Variants in SPTBN1 observed in about 807,000 individuals in gnomAD.
The protein encoded by SPTBN1 is spectrin beta chain, non-erythrocytic 1.
Under a neutral mutation model 266.4 loss-of-function variants are expected in SPTBN1, and 32 were observed. The observed-to-expected ratio is 0.12, with a 90% CI of 0.09 to 0.16. The LOEUF is 0.16. Ranked by LOEUF, SPTBN1 falls within the 10% of genes least tolerant of loss-of-function variation. The pLI, the probability that SPTBN1 is intolerant of heterozygous loss-of-function variation, is 1.00. For synonymous variants in SPTBN1, 1,336 were observed against 1,162.2 expected, an observed-to-expected ratio of 1.15 and a Z score of -3.04; for missense variants, 2,296 against 3,067.1, an observed-to-expected ratio of 0.75 and a Z score of 5.94.
At chr2:54,460,776 G>A (rs1693326764) in intron 1 of SPTBN1, among the ~76,000 whole-genome samples, 1 of 152,102 alleles carries the variant, frequency 6.6e-6, no homozygotes, top group Non-Finnish European at 1.5e-5. Context: ...GAGTGGGGGC[G>A]GATCACTTGA....
At position 54,623,406 on chromosome 2, in the gene SPTBN1, G is replaced by C. The variant is rs969520299; in HGVS notation, c.1065-73G>C. On this transcript the variant is annotated intron_variant, in intron 9 of 35. Transcript: ENST00000356805. ...CATGTAAGTCAGACCAGAGTTAAAT[G>C]GTTTTTAAAATGCATGACAGTGTGA... 5.3e-6 allele frequency: 7 copies of C among 1,308,870 alleles called. No homozygotes were observed. The African/African-American group carries it at 8.8e-5, about 16-fold the overall frequency. 81.1% of individuals were successfully genotyped at this position (1,308,870 alleles called of 1,614,324 possible). A position where few individuals can be genotyped will look rare whatever the true frequency, so the allele number is the denominator to read the frequency against.
At chr2:54,496,323 A>G (rs1279236721) in intron 1 of SPTBN1, among the ~76,000 whole-genome samples, 2 of 151,850 alleles carry the variant, frequency 1.3e-5, no homozygotes, top group African/African-American at 4.8e-5. Flanking sequence ...CTGTAATCCC[A>G]GCTACTCGGG....
intron 35 of SPTBN1, 136 bp downstream of exon 35, chr2:54,667,782 C>T: frequency 1.3e-6 from 1 of 753,102 alleles, no homozygotes; most frequent in Non-Finnish European, 2.3e-6. Context: ...CAGTCACCAG[C>T]ACTAGAAGGT....
At chr2:54,522,701 A>AGAGAGAGAGAGAGAGAGAGAGAG (rs1558802720) in intron 1 of SPTBN1, among the ~76,000 whole-genome samples, 11 of 70,186 alleles carry the variant, frequency 1.6e-4, no homozygotes, top group Admixed American at 4.6e-4. Context: ...GAGAGAGAGA[A>AGAGAGAGAGAGAGAGAGAGAGAG]AGAAAGAAAG....
intron 2 of SPTBN1, among the ~76,000 whole-genome samples, chr2:54,568,005 A>G (rs1225333888): frequency 2.6e-5 from 4 of 152,224 alleles, no homozygotes; most frequent in African/African-American, 9.6e-5. Flanking sequence ...ACAGCATCTC[A>G]GGCCGACCTC....
At chr2:54,657,738 G>C in intron 29 of SPTBN1, 112 bp from the exon 30 acceptor site, 1 of 1,276,662 alleles carries the variant, frequency 7.8e-7, no homozygotes, top group South Asian at 1.3e-5. Flanking sequence ...GTAGACGATA[G>C]ACTGGTTATG....
rs1693171588 is a variant in SPTBN1 at position 54,458,244 on chromosome 2, A to G, written c.-48+1726A>G. On this transcript the variant is annotated intron_variant, in intron 1 of 35. Transcript: ENST00000356805. ...ATTAATGCATTTTGGGTTTTATGTC[A>G]CTAAGACATTTATAAGTATATTAAA... Among the ~76,000 whole-genome samples, 4 of 152,298 alleles carry G rather than the reference A, an allele frequency of 2.6e-5. No homozygotes were observed. In the South Asian group the frequency reaches 8.3e-4, roughly 32 times the overall value.
At chr2:54,553,758 G>A (rs2104441999) in intron 2 of SPTBN1, among the ~76,000 whole-genome samples, 1 of 152,212 alleles carries the variant, frequency 6.6e-6, no homozygotes, top group South Asian at 2.1e-4. Flanking sequence ...TTGTCATTTT[G>A]GACATCCTCT....
intron 2 of SPTBN1, among the ~76,000 whole-genome samples, chr2:54,532,360 ATATT>A (rs1247890860): frequency 9.2e-5 from 14 of 152,226 alleles, no homozygotes; most frequent in Admixed American, 7.9e-4. Context: ...ATATCCAAGA[ATATT>A]TATAGATATC....
intron 2 of SPTBN1, among the ~76,000 whole-genome samples, chr2:54,578,155 G>C (rs936673562): frequency 2.0e-5 from 3 of 152,178 alleles, no homozygotes; most frequent in African/African-American, 7.2e-5. Context: ...GGAATAAACT[G>C]TACTGGCACT....
In SPTBN1 at chr2:54,646,402, A is replaced by G; in HGVS notation, c.4793A>G (p.Tyr1598Cys). The G allele has an allele frequency of 6.2e-7, 1 of 1,604,390 alleles. No individual in the cohort carries two copies. The highest frequency in any genetic ancestry group is 8.5e-7 in the Non-Finnish European group (1 of 1,175,392). The change falls in exon 23 of 36, where the codon TAC becomes TGC. Residue 1598 changes from tyrosine (Y) to cysteine (C), a missense_variant. This residue lies in a region of SPTBN1 where 644 missense variants were observed against 745.3 expected (regional missense o/e 0.86). Transcript: ENST00000356805. The surrounding 1 kb of genome is among the most constrained non-coding windows in gnomAD (Gnocchi z 4.4). Reference sequence around the variant, plus strand: ...GAGGCGCACAGGGCCCAGCAGTACTACTTTGACGCTGCTGAGGCCGAAGCC... The same window carrying G: ...GAGGCGCACAGGGCCCAGCAGTACTGCTTTGACGCTGCTGAGGCCGAAGCC... ...LEEAHRAQQYYFDAAEAEAWM... is the reference protein window; with the variant it reads ...LEEAHRAQQYCFDAAEAEAWM...
intron 2 of SPTBN1, among the ~76,000 whole-genome samples, chr2:54,532,593 G>A (rs4671950): frequency 0.68 from 103,175 of 152,094 alleles, 35,151 homozygotes; most frequent in Non-Finnish European, 0.7. Context: ...TGAGGAGAGC[G>A]TTGGTCAATC....
At chr2:54,654,563 C>G (rs1361721075) in intron 27 of SPTBN1, among the ~76,000 whole-genome samples, 4 of 152,086 alleles carry the variant, frequency 2.6e-5, no homozygotes, top group Non-Finnish European at 4.4e-5. Context: ...AGGTTTTGAT[C>G]CATGCTGGTC....
chr2:54,655,532 T>C (rs1455098965), intron 28 of SPTBN1, among the ~76,000 whole-genome samples: 1 of 152,220 alleles, frequency 6.6e-6, no homozygotes, highest in African/African-American at 2.4e-5. Flanking sequence ...TGGTTGGTGA[T>C]TCTGGTTAGG....
intron 1 of SPTBN1, 119 bp downstream of exon 1, chr2:54,456,637 GC>G (rs1693045878): frequency 6.6e-6 from 1 of 151,352 alleles, no homozygotes; most frequent in African/African-American, 2.4e-5. Context: ...GGACGCCGCT[GC>G]CCGCCTGCCC....
intron 2 of SPTBN1, among the ~76,000 whole-genome samples, chr2:54,566,676 C>T (rs1330810603): frequency 6.6e-6 from 1 of 151,848 alleles, no homozygotes; most frequent in African/African-American, 2.4e-5. Context: ...AATAAAAATA[C>T]AAAAATTACC....
chr2:54,636,184 A>G (rs1679117244), intron 17 of SPTBN1, among the ~76,000 whole-genome samples: 1 of 151,980 alleles, frequency 6.6e-6, no homozygotes, highest in South Asian at 2.1e-4. Context: ...TAGTATAATT[A>G]TTTTTCTACG....
chr2:54,468,494 C>G (rs1199702933), intron 1 of SPTBN1, among the ~76,000 whole-genome samples: 1 of 151,950 alleles, frequency 6.6e-6, no homozygotes, highest in Non-Finnish European at 1.5e-5. Flanking sequence ...TTGACAGTCT[C>G]TATAATGACA....
In SPTBN1 at chr2:54,630,526, C is replaced by T. The variant is rs187114917; in HGVS notation, c.2808-329C>T. Reference sequence around the variant, plus strand: ...ATCAGTCTTAGATTTGGAAAACGTTCATTAGGTAGAGTTCAGAGATGTGTA... The same window carrying T: ...ATCAGTCTTAGATTTGGAAAACGTTTATTAGGTAGAGTTCAGAGATGTGTA... On this transcript the variant is annotated intron_variant, in intron 15 of 35. Transcript: ENST00000356805. Among the ~76,000 whole-genome samples the T allele has an allele frequency of 1.1e-3, 169 of 152,272 alleles. 2 individuals carry two copies. Among genetic ancestry groups the T allele is most frequent in the African/African-American group, 3.9e-3 (160 of 41,544 alleles).
Sources: gnomAD v4.1 joint callset for allele counts (sites outside exome capture counted in the v4.1 genomes callset) on GRCh38, gnomAD v4.1.1 for gene constraint, gnomAD v4.1.1 regional missense constraint, Gnocchi (gnomAD v3.1) non-coding constraint, MANE v1.5 for transcripts, NCBI Gene and HGNC (gene_info 2026-07-23, HGNC 2026-07-21) for gene names.